CHSY3: variants seen among roughly 807,000 people sequenced by gnomAD.
The protein encoded by CHSY3 is N-acetylgalactosaminyl-proteoglycan 3-beta-glucuronosyltransferase 3.
In CHSY3, 35 loss-of-function variants were observed where a neutral mutation model predicts 67.2. The observed-to-expected ratio is 0.52, with a 90% CI of 0.40 to 0.69. The LOEUF is 0.69. Ranked by LOEUF, CHSY3 falls within the 30% of genes least tolerant of loss-of-function variation. The pLI is 0.00. For synonymous variants in CHSY3, 474 were observed against 434.7 expected (o/e 1.09, Z -1.12); for missense variants, 1,069 against 1,138.5 (o/e 0.94, Z 0.88).
chr5:130,076,670 A>C (rs994144769), intron 2 of CHSY3, among the ~76,000 whole-genome samples: 1 of 151,986 alleles, frequency 6.6e-6, no homozygotes. Context: ...TTTTCTTGAA[A>C]TTTTCTCTTA....
intron 2 of CHSY3, among the ~76,000 whole-genome samples, chr5:130,017,355 A>C (rs1764245459): frequency 6.6e-6 from 1 of 152,090 alleles, no homozygotes; most frequent in African/African-American, 2.4e-5. Flanking sequence ...ATCCCCTGTC[A>C]AACTAGTCTC....
At chr5:130,151,507 G>T (rs1373128262) in intron 2 of CHSY3, among the ~76,000 whole-genome samples, 1 of 152,214 alleles carries the variant, frequency 6.6e-6, no homozygotes, top group East Asian at 1.9e-4. Flanking sequence ...GAACGTGGCT[G>T]TTGTGTTAGC....
At chr5:129,983,289 G>T (rs753532780) in intron 2 of CHSY3, among the ~76,000 whole-genome samples, 11 of 152,030 alleles carry the variant, frequency 7.2e-5, no homozygotes, top group Admixed American at 2.6e-4. Flanking sequence ...TTTTAGTGAT[G>T]TGGCAGTGGT....
upstream of CHSY3, among the ~76,000 whole-genome samples, chr5:129,904,208 C>A (rs1476937713): frequency 2.6e-5 from 4 of 151,212 alleles, no homozygotes; most frequent in African/African-American, 4.9e-5. Context: ...GGGGCGTCGG[C>A]GCTGCAAGCC....
chr5:130,171,167 A>G (rs1005676276), intron 2 of CHSY3, among the ~76,000 whole-genome samples: 1 of 152,204 alleles, frequency 6.6e-6, no homozygotes, highest in Non-Finnish European at 1.5e-5. Flanking sequence ...TTTAAAAAGT[A>G]TACAGAGGAA....
At chr5:130,009,996 A>G (rs1395487347) in intron 2 of CHSY3, among the ~76,000 whole-genome samples, 1 of 152,194 alleles carries the variant, frequency 6.6e-6, no homozygotes, top group Non-Finnish European at 1.5e-5. Flanking sequence ...ACAAGTAATT[A>G]GAGACCAATT....
chr5:130,150,211 A>AT (rs1769195519), intron 2 of CHSY3, among the ~76,000 whole-genome samples: 1 of 152,190 alleles, frequency 6.6e-6, no homozygotes. Context: ...TACACACTGT[A>AT]TTCCAATAAC....
chr5:130,125,826 G>A (rs531354974), intron 2 of CHSY3, among the ~76,000 whole-genome samples: 1 of 152,248 alleles, frequency 6.6e-6, no homozygotes, highest in South Asian at 2.1e-4. Flanking sequence ...TGGATAACAA[G>A]CCTGAATTTT....
chr5:129,989,395 G>A (rs917140747), intron 2 of CHSY3, among the ~76,000 whole-genome samples: 2 of 151,526 alleles, frequency 1.3e-5, no homozygotes, highest in African/African-American at 4.9e-5. Flanking sequence ...TCAAGTACCT[G>A]GGATTACAGG....
chr5:130,112,264 C>T (rs763007201), intron 2 of CHSY3, among the ~76,000 whole-genome samples: 1 of 152,060 alleles, frequency 6.6e-6, no homozygotes, highest in Non-Finnish European at 1.5e-5. Context: ...AATATTTTCC[C>T]GGAATTTGTC....
intron 2 of CHSY3, among the ~76,000 whole-genome samples, chr5:129,919,550 AAG>A (rs1760849829): frequency 6.6e-6 from 1 of 152,214 alleles, no homozygotes; most frequent in African/African-American, 2.4e-5. Context: ...AGCAGCAGGC[AAG>A]AGAGAGAATG....
chr5:129,992,920 G>A lies in CHSY3; in HGVS notation c.1086+84560G>A, dbSNP rs150660597. 1.6e-4 allele frequency among the ~76,000 whole-genome samples: 25 copies of A among 152,124 alleles called. No homozygotes were observed. The East Asian group carries it at 3.3e-3, about 20-fold the overall frequency. ...ATTCTCACACATATCTATTATTATC[G>A]TTGTAATTGGTAAAATAAATTTTTG... On this transcript the variant is annotated intron_variant, in intron 2 of 2. Coordinates refer to ENST00000305031, the MANE Select transcript of CHSY3 (RefSeq NM_175856.5).
At chr5:129,928,461 T>G (rs1314867613) in intron 2 of CHSY3, among the ~76,000 whole-genome samples, 3 of 151,992 alleles carry the variant, frequency 2.0e-5, no homozygotes, top group Non-Finnish European at 4.4e-5. Flanking sequence ...ATATTTACAG[T>G]TGAAGTAAAT....
intron 2 of CHSY3, among the ~76,000 whole-genome samples, chr5:130,020,202 G>C (rs911233572): frequency 1.3e-5 from 2 of 151,760 alleles, no homozygotes; most frequent in South Asian, 2.1e-4. Flanking sequence ...TGCATCACTC[G>C]AGGTCAGGAG....
intron 2 of CHSY3, among the ~76,000 whole-genome samples, chr5:130,051,854 G>T (rs1242927287): frequency 6.6e-6 from 1 of 151,646 alleles, no homozygotes; most frequent in African/African-American, 2.4e-5. Flanking sequence ...AAGGTGACAG[G>T]CATTTAAATT....
intron 2 of CHSY3, among the ~76,000 whole-genome samples, chr5:130,044,414 G>T (rs1222722391): frequency 2.0e-5 from 3 of 152,014 alleles, no homozygotes; most frequent in Non-Finnish European, 4.4e-5. Flanking sequence ...CAGAAGTGTG[G>T]CAGATACACA....
intron 2 of CHSY3, among the ~76,000 whole-genome samples, chr5:130,093,738 C>T (rs1766955323): frequency 6.6e-6 from 1 of 152,102 alleles, no homozygotes; most frequent in African/African-American, 2.4e-5. Context: ...ATCTCAAGAA[C>T]ACAGCATCTT....
intron 2 of CHSY3, among the ~76,000 whole-genome samples, chr5:130,066,865 G>C (rs748222589): frequency 6.6e-6 from 1 of 152,086 alleles, no homozygotes. Context: ...TAGGCTTATG[G>C]TGGCTATTTC....
intron 2 of CHSY3, among the ~76,000 whole-genome samples, chr5:129,981,158 T>C: frequency 6.6e-6 from 1 of 151,762 alleles, no homozygotes; most frequent in East Asian, 1.9e-4. Flanking sequence ...GGGGCGGAGC[T>C]TGCAGTGAGC....
Sources: gnomAD v4.1 joint callset for allele counts (sites outside exome capture counted in the v4.1 genomes callset) on GRCh38, gnomAD v4.1.1 for gene constraint, MANE v1.5 for transcripts, NCBI Gene and HGNC (gene_info 2026-07-23, HGNC 2026-07-21) for gene names.